The following PPP2R2B variants were observed in gnomAD, a reference collection of about 807,000 sequenced individuals.
PPP2R2B encodes the protein serine/threonine-protein phosphatase 2A 55 kDa regulatory subunit B beta isoform.
In PPP2R2B, 5 loss-of-function variants were observed where a neutral mutation model predicts 46.0. The ratio of observed to expected loss-of-function variants is 0.11; its 90% CI spans 0.06 to 0.23. The LOEUF is 0.23. Ranked by LOEUF, PPP2R2B falls within the 10% of genes least tolerant of loss-of-function variation. PPP2R2B has a pLI of 1.00. For synonymous variants in PPP2R2B, 215 were observed against 206.7 expected, an observed-to-expected ratio of 1.04 and a Z score of -0.34; for missense variants, 367 against 575.0, an observed-to-expected ratio of 0.64 and a Z score of 3.70.
chr5:146,999,609 C>A (rs747574831), intron 1 of PPP2R2B, among the ~76,000 whole-genome samples: 1 of 152,152 alleles, frequency 6.6e-6, no homozygotes. Flanking sequence ...GGCTTCTTCT[C>A]TATTTGATTG....
chr5:146,955,930 C>G lies in PPP2R2B; in HGVS notation c.79+99735G>C, dbSNP rs369494437. On this transcript the variant is annotated intron_variant, in intron 1 of 8. Coordinates refer to the PPP2R2B transcript ENST00000336640. ...AGTAGCTGGGATTACAGATGCCCAC[C>G]ACTGTGCCCGGCTAATTTTTGTAAT... 1.8e-3 allele frequency among the ~76,000 whole-genome samples: 272 copies of G among 151,836 alleles called. 1 individual carries two copies. Among genetic ancestry groups the G allele is most frequent in the African/African-American group, 6.3e-3 (262 of 41,376 alleles).
chr5:147,081,074 T>A (rs1757955487), exon 2 of PPP2R2B: 1 of 1,535,494 alleles, frequency 6.5e-7, no homozygotes, highest in Non-Finnish European at 8.7e-7. Flanking sequence ...GTGGTTCCAA[T>A]CTCGATAGTG....
chr5:146,970,355 T>G (rs984894093), intron 1 of PPP2R2B, among the ~76,000 whole-genome samples: 3 of 151,474 alleles, frequency 2.0e-5, no homozygotes, highest in Admixed American at 2.0e-4. Flanking sequence ...AATCCCAGCA[T>G]TTTGGGAGGC....
At chr5:146,641,465 C>G (rs1460964535) in intron 6 of PPP2R2B, among the ~76,000 whole-genome samples, 1 of 151,098 alleles carries the variant, frequency 6.6e-6, no homozygotes, top group African/African-American at 2.4e-5. Context: ...ACTTTGGTGA[C>G]TGCATTTTCC....
intron 1 of PPP2R2B, among the ~76,000 whole-genome samples, chr5:146,949,687 A>G (rs573712625): frequency 6.6e-6 from 1 of 152,248 alleles, no homozygotes; most frequent in South Asian, 2.1e-4. Context: ...AAAGGAAATC[A>G]GTACATCAAA....
chr5:146,637,120 C>T (rs1774877337), intron 7 of PPP2R2B, among the ~76,000 whole-genome samples: 1 of 152,178 alleles, frequency 6.6e-6, no homozygotes. Flanking sequence ...GCCTCATTAG[C>T]CAAATTTTAA....
At chr5:146,899,331 G>A (rs1328731261) in intron 1 of PPP2R2B, among the ~76,000 whole-genome samples, 2 of 148,588 alleles carry the variant, frequency 1.3e-5, no homozygotes, top group African/African-American at 5.1e-5. Flanking sequence ...GTAGGGATGT[G>A]GATGAAATTG....
intron 1 of PPP2R2B, among the ~76,000 whole-genome samples, chr5:146,956,647 G>A (rs1751923937): frequency 6.6e-6 from 1 of 152,160 alleles, no homozygotes; most frequent in Non-Finnish European, 1.5e-5. Context: ...AAGACAATAT[G>A]CATATGTATG....
intron 2 of PPP2R2B, among the ~76,000 whole-genome samples, chr5:146,820,819 C>T (rs957733750): frequency 6.6e-6 from 1 of 152,124 alleles, no homozygotes; most frequent in Non-Finnish European, 1.5e-5. Flanking sequence ...CGTCAAATTG[C>T]CAACCTAGAG....
At chr5:147,078,379 G>A (rs927645079) in intron 2 of PPP2R2B, among the ~76,000 whole-genome samples, 1 of 152,118 alleles carries the variant, frequency 6.6e-6, no homozygotes, top group Non-Finnish European at 1.5e-5. Flanking sequence ...CAGTCACAAC[G>A]ACAAGATTTA....
intron 5 of PPP2R2B, among the ~76,000 whole-genome samples, chr5:146,688,486 G>T (rs1286291066): frequency 6.6e-6 from 1 of 151,656 alleles, no homozygotes; most frequent in Non-Finnish European, 1.5e-5. Context: ...CCTCTGCTTG[G>T]CAGCTTAGAA....
At chr5:146,763,697 T>C (rs1249843051) in intron 2 of PPP2R2B, among the ~76,000 whole-genome samples, 1 of 152,152 alleles carries the variant, frequency 6.6e-6, no homozygotes, top group African/African-American at 2.4e-5. Context: ...ACCTGCTATG[T>C]TAAGGACTGG....
At chr5:146,618,267 C>G (rs188475698) in intron 7 of PPP2R2B, among the ~76,000 whole-genome samples, 1 of 152,254 alleles carries the variant, frequency 6.6e-6, no homozygotes, top group African/African-American at 2.4e-5. Flanking sequence ...TCACCGCTGT[C>G]TTTGAAGATG....
At chr5:147,053,496 A>AT (rs1253066715) in intron 1 of PPP2R2B, among the ~76,000 whole-genome samples, 1 of 151,208 alleles carries the variant, frequency 6.6e-6, no homozygotes, top group Non-Finnish European at 1.5e-5. Context: ...TCACAGCCAT[A>AT]TTTTTTTTCT....
intron 1 of PPP2R2B, among the ~76,000 whole-genome samples, chr5:146,957,610 AG>A (rs1376690887): frequency 3.3e-5 from 5 of 152,154 alleles, no homozygotes; most frequent in African/African-American, 1.2e-4. Context: ...ATAAAGTTAG[AG>A]GGCAGTGGGA....
intron 1 of PPP2R2B, among the ~76,000 whole-genome samples, chr5:146,984,209 T>TTA (rs760225415): frequency 9.9e-5 from 15 of 152,180 alleles, no homozygotes; most frequent in Non-Finnish European, 1.8e-4. Context: ...TTTCTCTTGT[T>TTA]TACTGAGACT....
chr5:146,982,932 A>G (rs924628993), intron 1 of PPP2R2B, among the ~76,000 whole-genome samples: 2 of 151,978 alleles, frequency 1.3e-5, no homozygotes, highest in Non-Finnish European at 2.9e-5. Context: ...ATTTGAAGTG[A>G]GTTTCTTATA....
At chr5:147,041,023 A>G (rs1306381259) in intron 1 of PPP2R2B, among the ~76,000 whole-genome samples, 1 of 152,124 alleles carries the variant, frequency 6.6e-6, no homozygotes, top group Non-Finnish European at 1.5e-5. Context: ...AGGTATTCCC[A>G]GGAATGTCAG....
At chr5:146,696,830 T>C (rs1341665464) in intron 4 of PPP2R2B, among the ~76,000 whole-genome samples, 1 of 152,220 alleles carries the variant, frequency 6.6e-6, no homozygotes, top group Admixed American at 6.5e-5. Flanking sequence ...TTTGAGAGAT[T>C]TGGGGTTCAA....
Sources: gnomAD v4.1 joint callset for allele counts (sites outside exome capture counted in the v4.1 genomes callset) on GRCh38, gnomAD v4.1.1 for gene constraint, MANE v1.5 for transcripts, NCBI Gene and HGNC (gene_info 2026-07-23, HGNC 2026-07-21) for gene names.